Variants in UTRN observed in about 807,000 individuals in gnomAD.
The protein encoded by UTRN is dystrophin-related protein 1.
Under a neutral mutation model 463.9 loss-of-function variants are expected in UTRN, and 283 were observed. The observed-to-expected ratio is 0.61, with a 90% CI of 0.55 to 0.67. The LOEUF is 0.67. Ranked by LOEUF, UTRN falls within the 30% of genes least tolerant of loss-of-function variation. The pLI, the probability that UTRN is intolerant of heterozygous loss-of-function variation, is 0.00. For synonymous variants in UTRN, 1,442 were observed against 1,431.5 expected (o/e 1.01, Z -0.17); for missense variants, 3,922 against 4,084.3 (o/e 0.96, Z 1.08).
At position 144,797,988 on chromosome 6, in the gene UTRN, C is replaced by T; in HGVS notation, c.9243C>T (p.Phe3081=). 1 of 1,614,046 alleles carries T rather than the reference C, an allele frequency of 6.2e-7. No homozygotes were observed. Among genetic ancestry groups the T allele is most frequent in the Non-Finnish European group, 8.5e-7 (1 of 1,179,980 alleles). Residue 3081 remains phenylalanine (F), a splice_region_variant and synonymous_variant, in exon 64 of 75, where the codon TTC becomes TTT. Transcript: ENST00000367545. Reference sequence around the variant, plus strand: ...GTAAAGAATGTCCAATTGTCGGGTTCAGGTAAGGCGTGCCAGTGCTGGAGG... The same window carrying T: ...GTAAAGAATGTCCAATTGTCGGGTTTAGGTAAGGCGTGCCAGTGCTGGAGG... ...NICKECPIVG[F]RYRSLKHFNY...
chr6:144,429,568 C>T lies in UTRN; in HGVS notation c.695-13C>T. 2 of 1,587,436 alleles carry T rather than the reference C, an allele frequency of 1.3e-6. No homozygotes were observed. The highest frequency in any genetic ancestry group is 1.1e-5 in the South Asian group (1 of 87,336). ...CCTAATTTAAGCTGGTTCTTATATTCTTCCACTTTTAGATGTTGCCGTTCA... is the reference window on the plus strand; with the variant it reads ...CCTAATTTAAGCTGGTTCTTATATTTTTCCACTTTTAGATGTTGCCGTTCA... On this transcript the variant is annotated splice_polypyrimidine_tract_variant and intron_variant, in intron 8 of 74. Coordinates refer to ENST00000367545, the MANE Select transcript of UTRN (RefSeq NM_007124.3).
At chr6:144,420,590 AAG>A (rs1784748414) in intron 3 of UTRN, among the ~76,000 whole-genome samples, 1 of 152,080 alleles carries the variant, frequency 6.6e-6, no homozygotes, top group African/African-American at 2.4e-5. Context: ...TATCAGGAAA[AAG>A]AGTTTAGAAA....
In UTRN at chr6:144,824,597, TATATATATATATATA is replaced by T. The variant is rs1562954920; in HGVS notation, c.9495-2750_9495-2736del. ...TTATATATATATATATATATATATA[TATATATATATATATA>T]TCTTTTTTTTTTTTTTTTTTTTTTT... is the stretch of plus-strand genomic sequence containing the variant. On this transcript the variant is annotated intron_variant, in intron 66 of 74. Coordinates refer to ENST00000367545, the MANE Select transcript of UTRN (RefSeq NM_007124.3). 1.2e-3 allele frequency among the ~76,000 whole-genome samples: 72 copies of T among 61,480 alleles called. 4 individuals carry two copies. The highest frequency in any genetic ancestry group is 2.7e-3 in the African/African-American group (29 of 10,940). 40.3% of individuals were successfully genotyped at this position (61,480 alleles called of 152,430 possible). A position where few individuals can be genotyped will look rare whatever the true frequency, so the allele number is the denominator to read the frequency against.
intron 18 of UTRN, among the ~76,000 whole-genome samples, chr6:144,452,764 C>T (rs1420053668): frequency 3.3e-5 from 5 of 150,956 alleles, no homozygotes; most frequent in African/African-American, 4.9e-5. Context: ...GGGAGACCCC[C>T]GTCTCTACAA....
At chr6:144,693,228 T>A (rs1046178011) in intron 52 of UTRN, among the ~76,000 whole-genome samples, 3 of 152,162 alleles carry the variant, frequency 2.0e-5, no homozygotes, top group African/African-American at 2.4e-5. Context: ...TTCTGAGTTC[T>A]CTGTTCTGTT....
chr6:144,702,833 T>C (rs1044562375), intron 53 of UTRN, among the ~76,000 whole-genome samples: 10 of 152,048 alleles, frequency 6.6e-5, no homozygotes, highest in African/African-American at 2.4e-4. Flanking sequence ...CCAAATATGG[T>C]AGATAGGAGA....
chr6:144,499,184 A>G, intron 33 of UTRN, 73 bp from the exon 34 acceptor site: 3 of 1,474,778 alleles, frequency 2.0e-6, no homozygotes, highest in South Asian at 1.3e-5. Context: ...TCTTTAGTTA[A>G]CATTCTGATT....
intron 52 of UTRN, among the ~76,000 whole-genome samples, chr6:144,680,749 T>C (rs1452110445): frequency 6.6e-6 from 1 of 152,164 alleles, no homozygotes; most frequent in African/African-American, 2.4e-5. Flanking sequence ...CCTTGAAACA[T>C]ATATAGTTAT....
Position 144,772,979 on chromosome 6 carries a change from G to GT in UTRN, c.8557+1022dup, listed in dbSNP as rs1044583434. On this transcript the variant is annotated intron_variant, in intron 59 of 74. Transcript: ENST00000367545. ...TTAAATGTTGGGCTTCTGTGTGAGT[G>GT]TTTTTTTTTTTGGTGGGTGAAGGGG... 5.4e-3 allele frequency among the ~76,000 whole-genome samples: 763 copies of GT among 141,956 alleles called. 2 individuals carry two copies. The highest frequency in any genetic ancestry group is 7.6e-3 in the South Asian group (34 of 4,494). The allele number at this position is 141,956 out of a possible 152,430, so 93.1% of individuals were successfully genotyped here.
chr6:144,478,966 CAT>C (rs1791544436), intron 25 of UTRN, among the ~76,000 whole-genome samples: 1 of 152,118 alleles, frequency 6.6e-6, no homozygotes. Flanking sequence ...CATATACAAA[CAT>C]AGTAGACATC....
At chr6:144,513,345 G>C (rs1285614595) in intron 35 of UTRN, among the ~76,000 whole-genome samples, 2 of 152,144 alleles carry the variant, frequency 1.3e-5, no homozygotes, top group Non-Finnish European at 2.9e-5. Flanking sequence ...AAGGTCAAGA[G>C]ATCAAGACTT....
At chr6:144,781,891 C>G in intron 60 of UTRN, 31 bp from the exon 61 acceptor site, 1 of 1,545,416 alleles carries the variant, frequency 6.5e-7, no homozygotes. Flanking sequence ...AATGTAATGA[C>G]TGTAAACATT....
intron 73 of UTRN, among the ~76,000 whole-genome samples, 153 bp from the exon 74 acceptor site, chr6:144,846,652 T>C (rs1480698403): frequency 6.6e-6 from 1 of 151,958 alleles, no homozygotes; most frequent in African/African-American, 2.4e-5. Context: ...AAAAAAAATG[T>C]GTTTCTTGTT....
chr6:144,318,658 T>C (rs1477544125), intron 2 of UTRN, among the ~76,000 whole-genome samples: 1 of 152,110 alleles, frequency 6.6e-6, no homozygotes, highest in Non-Finnish European at 1.5e-5. Flanking sequence ...GAGATGGGGT[T>C]TCATCATGTT....
At chr6:144,690,130 T>TGTGTG (rs1562770946) in intron 52 of UTRN, among the ~76,000 whole-genome samples, 9 of 115,206 alleles carry the variant, frequency 7.8e-5, no homozygotes, top group East Asian at 5.6e-4. Context: ...TGTGTGTGTG[T>TGTGTG]TAAGCTACCA....
chr6:144,460,741 C>T (rs1271762567), intron 21 of UTRN, among the ~76,000 whole-genome samples: 5 of 152,200 alleles, frequency 3.3e-5, no homozygotes, highest in Non-Finnish European at 1.5e-5. Context: ...CATTATTTCT[C>T]AGGGTACCTG....
intron 2 of UTRN, among the ~76,000 whole-genome samples, chr6:144,326,962 T>C (rs1394672513): frequency 6.6e-6 from 1 of 152,166 alleles, no homozygotes; most frequent in Non-Finnish European, 1.5e-5. Context: ...TGAAGGACAG[T>C]TCTGACTTTC....
At position 144,799,289 on chromosome 6, in the gene UTRN, C is replaced by A; in HGVS notation, c.9245+1299C>A. 8.6e-6 allele frequency: 3 copies of A among 349,790 alleles called. 1 individual carries two copies. The highest frequency in any genetic ancestry group is 7.0e-5 in the South Asian group (3 of 42,696). The allele number at this position is 349,790 out of a possible 1,614,324, so 21.7% of individuals were successfully genotyped here. On this transcript the variant is annotated intron_variant, in intron 64 of 74. Coordinates refer to ENST00000367545, the MANE Select transcript of UTRN (RefSeq NM_007124.3). ...AATTCAAAAGTTCTCTTCTCTCATG[C>A]ATTATGGTGTAGTTGGGAAGACTAA...
chr6:144,516,441 A>G, intron 38 of UTRN, 54 bp downstream of exon 38: 1 of 1,548,522 alleles, frequency 6.5e-7, no homozygotes. Flanking sequence ...TTCTCTATTA[A>G]TTTCATTTTT....
Sources: gnomAD v4.1 joint callset for allele counts (sites outside exome capture counted in the v4.1 genomes callset) on GRCh38, gnomAD v4.1.1 for gene constraint, MANE v1.5 for transcripts, NCBI Gene and HGNC (gene_info 2026-07-23, HGNC 2026-07-21) for gene names.